The following THSD7B variants were observed in gnomAD, a reference collection of about 807,000 sequenced individuals.
THSD7B encodes the protein thrombospondin type-1 domain-containing protein 7B.
THSD7B carries 138 observed loss-of-function variants against 213.6 expected under a neutral mutation model. The observed-to-expected ratio is 0.65, with a 90% CI of 0.56 to 0.74. THSD7B has a LOEUF of 0.74. Ranked by LOEUF, THSD7B falls within the 30% of genes least tolerant of loss-of-function variation. The pLI is 0.00. For synonymous variants in THSD7B, 742 were observed against 687.0 expected (o/e 1.08, Z -1.25); for missense variants, 1,931 against 1,991.5 (o/e 0.97, Z 0.58).
At chr2:137,507,717 T>C (rs1427107196) in intron 15 of THSD7B, among the ~76,000 whole-genome samples, 2 of 151,986 alleles carry the variant, frequency 1.3e-5, no homozygotes, top group Non-Finnish European at 2.9e-5. Context: ...TCCTTTTTTC[T>C]GTCTTCTTTC....
At chr2:136,999,147 G>A (rs1897419) in intron 2 of THSD7B, among the ~76,000 whole-genome samples, 36,488 of 152,002 alleles carry the variant, frequency 0.24, 4,902 homozygotes, top group East Asian at 0.57. Context: ...TGAGAGATTA[G>A]TGTTTCCTCT....
At chr2:137,437,859 G>A (rs1430876657) in intron 14 of THSD7B, among the ~76,000 whole-genome samples, 1 of 152,060 alleles carries the variant, frequency 6.6e-6, no homozygotes, top group Non-Finnish European at 1.5e-5. Context: ...TGTTTGACTA[G>A]GAAATAGATA....
chr2:136,959,128 C>G (rs1373772753), intron 2 of THSD7B, among the ~76,000 whole-genome samples: 1 of 152,202 alleles, frequency 6.6e-6, no homozygotes, highest in Non-Finnish European at 1.5e-5. Context: ...AGGTTAGACA[C>G]TACCTAGGGA....
chr2:136,978,709 A>T (rs1049487275), intron 2 of THSD7B, among the ~76,000 whole-genome samples: 1 of 152,142 alleles, frequency 6.6e-6, no homozygotes, highest in African/African-American at 2.4e-5. Flanking sequence ...TCTTGAATAT[A>T]GCACACTGAT....
intron 2 of THSD7B, among the ~76,000 whole-genome samples, chr2:137,028,213 T>C (rs1368056): frequency 0.091 from 13,823 of 152,170 alleles, 705 homozygotes; most frequent in East Asian, 0.14. Context: ...GTCTTCCAAC[T>C]TGAAGCAAAC....
At chr2:137,318,234 A>C (rs1257567578) in intron 12 of THSD7B, among the ~76,000 whole-genome samples, 1 of 152,176 alleles carries the variant, frequency 6.6e-6, no homozygotes, top group African/African-American at 2.4e-5. Flanking sequence ...TCCTGACTCT[A>C]GTTCTCTATG....
At chr2:137,615,594 A>C in intron 17 of THSD7B, among the ~76,000 whole-genome samples, 1 of 152,158 alleles carries the variant, frequency 6.6e-6, no homozygotes, top group East Asian at 1.9e-4. Context: ...TTTTCACATT[A>C]ATTTTGCCAG....
At chr2:137,559,158 C>T (rs6758294) in intron 15 of THSD7B, among the ~76,000 whole-genome samples, 5,729 of 152,114 alleles carry the variant, frequency 0.038, 382 homozygotes, top group African/African-American at 0.13. Flanking sequence ...TTTATAGATT[C>T]AATGCCATCC....
At chr2:136,917,702 A>G (rs1684371818) in intron 2 of THSD7B, among the ~76,000 whole-genome samples, 1 of 152,176 alleles carries the variant, frequency 6.6e-6, no homozygotes, top group Non-Finnish European at 1.5e-5. Flanking sequence ...TGCAGAGTCT[A>G]TGTAACCCGA....
intron 20 of THSD7B, among the ~76,000 whole-genome samples, chr2:137,625,269 G>A (rs1357062925): frequency 7.3e-6 from 1 of 137,378 alleles, no homozygotes; most frequent in Non-Finnish European, 1.5e-5. Context: ...GGTGGGAATT[G>A]AACAATGAAA....
At chr2:136,768,635 A>T (rs1681451627) in intron 1 of THSD7B, among the ~76,000 whole-genome samples, 1 of 152,242 alleles carries the variant, frequency 6.6e-6, no homozygotes. Context: ...GAAAAAAAGA[A>T]TAGCACTATT....
chr2:136,811,632 G>A (rs1360848973), intron 1 of THSD7B, among the ~76,000 whole-genome samples: 1 of 152,096 alleles, frequency 6.6e-6, no homozygotes, highest in African/African-American at 2.4e-5. Context: ...CACTAGGATT[G>A]GTCTTGGGAA....
At chr2:137,017,490 G>A (rs1045964458) in intron 2 of THSD7B, among the ~76,000 whole-genome samples, 1 of 152,102 alleles carries the variant, frequency 6.6e-6, no homozygotes, top group African/African-American at 2.4e-5. Context: ...GGGAGTCTGG[G>A]TCTGATGACC....
Position 137,286,357 on chromosome 2 carries a change from A to G in THSD7B, c.2500+10331A>G, listed in dbSNP as rs935159977. ...TCGTCTGGAAAACACATAGAAATAT[A>G]GCAAAAACACACACTCTAAAATAAA... On this transcript the variant is annotated intron_variant, in intron 12 of 27. Coordinates refer to ENST00000409968, the MANE Select transcript of THSD7B (RefSeq NM_001316349.2). Among the ~76,000 whole-genome samples the G allele has an allele frequency of 2.0e-5, 3 of 152,254 alleles. No homozygotes were observed. In the East Asian group the frequency reaches 5.8e-4, roughly 29 times the overall value.
intron 16 of THSD7B, among the ~76,000 whole-genome samples, chr2:137,571,335 G>A (rs1017942602): frequency 1.3e-5 from 2 of 152,016 alleles, no homozygotes; most frequent in African/African-American, 2.4e-5. Flanking sequence ...TTATACTCTT[G>A]CTGAACATTT....
At chr2:137,558,145 C>T (rs1257215643) in intron 15 of THSD7B, among the ~76,000 whole-genome samples, 1 of 152,162 alleles carries the variant, frequency 6.6e-6, no homozygotes, top group East Asian at 1.9e-4. Flanking sequence ...CAAGGAGGAG[C>T]TGGTACCATT....
chr2:137,470,473 G>A (rs1220222905), intron 15 of THSD7B, among the ~76,000 whole-genome samples: 1 of 152,208 alleles, frequency 6.6e-6, no homozygotes, highest in Admixed American at 6.5e-5. Context: ...AAGTATGAAT[G>A]CTGTTGAAAT....
At chr2:137,122,052 G>A (rs1257356173) in intron 5 of THSD7B, among the ~76,000 whole-genome samples, 1 of 152,154 alleles carries the variant, frequency 6.6e-6, no homozygotes, top group East Asian at 1.9e-4. Flanking sequence ...AAGAAACAAG[G>A]AGCATTACTG....
At chr2:137,585,657 G>A (rs951779890) in intron 17 of THSD7B, among the ~76,000 whole-genome samples, 6 of 152,140 alleles carry the variant, frequency 3.9e-5, no homozygotes, top group Middle Eastern at 3.2e-3. Flanking sequence ...TTTTGAGTGA[G>A]TTTCTTAATC....
Sources: allele counts gnomAD v4.1 joint callset (sites outside exome capture counted in the v4.1 genomes callset), GRCh38; gene constraint gnomAD v4.1.1; transcripts MANE v1.5; gene names NCBI Gene and HGNC (gene_info 2026-07-23, HGNC 2026-07-21).